Variants in HERC1 observed in about 807,000 individuals in gnomAD.
HERC1 encodes HECT and RLD domain containing E3 ubiquitin protein ligase family member 1.
In HERC1, 160 loss-of-function variants were observed where a neutral mutation model predicts 554.3. That is an observed-to-expected ratio of 0.29 (90% CI 0.25 to 0.33). HERC1 has a LOEUF of 0.33. HERC1 is among the 10% of genes least tolerant of loss of function. HERC1 has a pLI of 1.00. For missense variants in HERC1, 4,919 were observed against 5,918.5 expected (o/e 0.83, Z 5.54); for synonymous variants, 2,175 against 2,131.7 (o/e 1.02, Z -0.56).
In HERC1 at chr15:63,749,261, T is replaced by C. The variant is rs1196978810; in HGVS notation, c.2219+106A>G. Reference sequence around the variant, plus strand: ...GCAATACTATATATGTTCAGAAGAGTATTTTATGAACAAAGCACAATTATT... The same window carrying C: ...GCAATACTATATATGTTCAGAAGAGCATTTTATGAACAAAGCACAATTATT... On this transcript the variant is annotated intron_variant, in intron 10 of 77. Coordinates refer to ENST00000443617, the MANE Select transcript of HERC1 (RefSeq NM_003922.4). This position sits in a 1 kb window ranked among gnomAD's most constrained non-coding sequence, Gnocchi z 4.1. 1 of 842,724 alleles carries C rather than the reference T, an allele frequency of 1.2e-6. No individual in the cohort carries two copies. The highest frequency in any genetic ancestry group is 1.9e-6 in the Non-Finnish European group (1 of 538,704). The allele number at this position is 842,724 out of a possible 1,614,324, so 52.2% of individuals were successfully genotyped here.
At chr15:63,722,641 C>T (rs1337157077) in intron 19 of HERC1, among the ~76,000 whole-genome samples, 2 of 152,184 alleles carry the variant, frequency 1.3e-5, no homozygotes, top group Non-Finnish European at 2.9e-5. Flanking sequence ...GCTGCGGTAT[C>T]ACAGTGATTG....
At chr15:63,732,866 G>T in intron 14 of HERC1, 58 bp downstream of exon 14, 1 of 1,136,006 alleles carries the variant, frequency 8.8e-7, no homozygotes, top group Non-Finnish European at 1.3e-6. Context: ...AAAATACCTT[G>T]ACTAAAGAGA....
At chr15:63,610,789 A>C (rs983473460) in intron 77 of HERC1, among the ~76,000 whole-genome samples, 15 of 152,164 alleles carry the variant, frequency 9.9e-5, no homozygotes, top group African/African-American at 3.4e-4. Context: ...CACTTCCCTT[A>C]CTGTTTTCTG....
chr15:63,760,435 CAAAAAAA>C (rs34164820), intron 3 of HERC1, among the ~76,000 whole-genome samples: 2 of 91,428 alleles, frequency 2.2e-5, no homozygotes, highest in Non-Finnish European at 4.0e-5. Flanking sequence ...AGACACCATC[CAAAAAAA>C]AAAAAAAAAA....
intron 34 of HERC1, among the ~76,000 whole-genome samples, chr15:63,681,818 G>T (rs2071494934): frequency 6.6e-6 from 1 of 152,166 alleles, no homozygotes; most frequent in Non-Finnish European, 1.5e-5. Flanking sequence ...TCTTGCTGGG[G>T]AAAGCTTGTG....
chr15:63,665,147 G>A (rs1455060555), intron 42 of HERC1, among the ~76,000 whole-genome samples: 7 of 152,046 alleles, frequency 4.6e-5, no homozygotes, highest in Non-Finnish European at 8.8e-5. Flanking sequence ...CATTATCACA[G>A]CAATCTTTTT....
intron 74 of HERC1, among the ~76,000 whole-genome samples, chr15:63,620,061 C>T (rs1006729389): frequency 2.0e-5 from 3 of 152,072 alleles, no homozygotes; most frequent in African/African-American, 7.2e-5. Flanking sequence ...GCTCTTGCTT[C>T]TCTAGTTCTT....
chr15:63,775,393 G>C lies in HERC1; in HGVS notation c.231C>G (p.His77Gln). ...GGCTGCTAAGAAGGGCATCCAAATA[G>C]TGGTCCTGCTCATCACTTGAAAGAG... ...RESLSSDEQDHYLDALLSSQL... is the reference protein window; with the variant it reads ...RESLSSDEQDQYLDALLSSQL... Residue 77 changes from histidine (H) to glutamine (Q), a missense_variant, in exon 2 of 78, where the codon CAC (histidine) becomes CAG (glutamine). His to Gln is a conservative substitution (Grantham distance 24). Transcript: ENST00000443617. The surrounding 1 kb of genome is among the most constrained non-coding windows in gnomAD (Gnocchi z 4.0). 3.1e-6 allele frequency: 5 copies of C among 1,613,980 alleles called. No individual in the cohort carries two copies. The highest frequency in any genetic ancestry group is 4.2e-6 in the Non-Finnish European group (5 of 1,179,850).
chr15:63,756,385 T>C lies in HERC1; in HGVS notation c.1533+52A>G, dbSNP rs891673106. Reference sequence around the variant, plus strand: ...ATCAAAATCTGAACGACATTGTCAATTACAACTCCAATGCATCTAATTATT... The same window carrying C: ...ATCAAAATCTGAACGACATTGTCAACTACAACTCCAATGCATCTAATTATT... On this transcript the variant is annotated intron_variant, in intron 5 of 77. Coordinates refer to ENST00000443617, the MANE Select transcript of HERC1 (RefSeq NM_003922.4). This position sits in a 1 kb window ranked among gnomAD's most constrained non-coding sequence, Gnocchi z 5.0. 7.7e-6 allele frequency: 11 copies of C among 1,434,990 alleles called. No individual in the cohort carries two copies. The highest frequency in any genetic ancestry group is 1.4e-5 in the African/African-American group (1 of 70,420). 88.9% of individuals were successfully genotyped at this position (1,434,990 alleles called of 1,614,324 possible). A position where few individuals can be genotyped will look rare whatever the true frequency, so the allele number is the denominator to read the frequency against.
chr15:63,662,503 A>G (rs895461731), intron 44 of HERC1, among the ~76,000 whole-genome samples: 2 of 152,232 alleles, frequency 1.3e-5, no homozygotes, highest in Non-Finnish European at 2.9e-5. Flanking sequence ...TAACCAATGT[A>G]TATACAAATC....
intron 1 of HERC1, among the ~76,000 whole-genome samples, chr15:63,810,885 C>T (rs1047962723): frequency 6.6e-6 from 1 of 152,124 alleles, no homozygotes; most frequent in African/African-American, 2.4e-5. Flanking sequence ...TTAAGGAGTA[C>T]ATAACATCAC....
At chr15:63,831,208 T>C (rs929271551) in intron 1 of HERC1, among the ~76,000 whole-genome samples, 7 of 152,094 alleles carry the variant, frequency 4.6e-5, no homozygotes, top group South Asian at 2.1e-4. Context: ...CCAGGCTCAA[T>C]TGATCCTCCC....
At chr15:63,720,176 T>C (rs573750643) in intron 19 of HERC1, among the ~76,000 whole-genome samples, 9 of 142,740 alleles carry the variant, frequency 6.3e-5, no homozygotes, top group African/African-American at 2.4e-4. Context: ...GCTACATAGC[T>C]CACTGCAGTC....
At chr15:63,712,345 G>C (rs2073341017) in intron 24 of HERC1, among the ~76,000 whole-genome samples, 1 of 152,208 alleles carries the variant, frequency 6.6e-6, no homozygotes, top group Non-Finnish European at 1.5e-5. Flanking sequence ...GACTTAACTG[G>C]ATTGGGAAGG....
chr15:63,627,589 G>T (rs571535518), intron 70 of HERC1, among the ~76,000 whole-genome samples: 1 of 151,546 alleles, frequency 6.6e-6, no homozygotes, highest in Non-Finnish European at 1.5e-5. Flanking sequence ...CAGGAGAATC[G>T]CTTGAACCCG....
In HERC1 at chr15:63,694,907, T is replaced by A. The variant is rs757036418; in HGVS notation, c.5122-13A>T. 18 of 1,602,658 alleles carry A rather than the reference T, an allele frequency of 1.1e-5. No homozygotes were observed. Among genetic ancestry groups the A allele is most frequent in the Admixed American group, 8.7e-5 (5 of 57,292 alleles). On this transcript the variant is annotated splice_polypyrimidine_tract_variant and intron_variant, in intron 27 of 77. Transcript: ENST00000443617. This position sits in a 1 kb window ranked among gnomAD's most constrained non-coding sequence, Gnocchi z 4.3. ...CTCTGATCCCATCCTGAATTACACA[T>A]AAAGAATTACTTTTTCTATTAGCAA...
intron 8 of HERC1, among the ~76,000 whole-genome samples, chr15:63,750,738 C>G (rs2075210535): frequency 6.6e-6 from 1 of 151,964 alleles, no homozygotes; most frequent in Non-Finnish European, 1.5e-5. Context: ...TCAATACCAG[C>G]CTGGACAATG....
At chr15:63,674,015 AT>A (rs2071071456) in intron 38 of HERC1, among the ~76,000 whole-genome samples, 1 of 152,136 alleles carries the variant, frequency 6.6e-6, no homozygotes, top group East Asian at 1.9e-4. Context: ...ATGAGCCACC[AT>A]GCTTGCCAGA....
intron 1 of HERC1, among the ~76,000 whole-genome samples, chr15:63,799,321 C>G (rs569495206): frequency 6.6e-6 from 1 of 151,728 alleles, no homozygotes; most frequent in African/African-American, 2.4e-5. Context: ...GGAAATATGG[C>G]AAAACCCTGT....
Sources: allele counts gnomAD v4.1 joint callset (sites outside exome capture counted in the v4.1 genomes callset), GRCh38; gene constraint gnomAD v4.1.1; non-coding constraint Gnocchi (gnomAD v3.1); transcripts MANE v1.5; gene names NCBI Gene and HGNC (gene_info 2026-07-23, HGNC 2026-07-21).